WHAMM: variants seen among roughly 807,000 people sequenced by gnomAD.
WHAMM encodes the protein WASP homolog-associated protein with actin, membranes and microtubules.
A neutral mutation model predicts 76.5 loss-of-function variants in WHAMM; 67 were observed. The observed-to-expected ratio is 0.88, with a 90% confidence interval of 0.72 to 1.07. WHAMM has a LOEUF of 1.07. Among genes scored for constraint, WHAMM ranks in the 50% least tolerant of loss-of-function variants. The pLI, the probability that WHAMM is intolerant of heterozygous loss-of-function variation, is 0.00. For synonymous variants in WHAMM, 419 were observed against 422.1 expected (o/e 0.99, Z 0.09); for missense variants, 1,021 against 1,051.1 (o/e 0.97, Z 0.40).
chr15:82,820,688 AGT>A (rs1176199729), intron 5 of WHAMM, among the ~76,000 whole-genome samples: 1 of 152,106 alleles, frequency 6.6e-6, no homozygotes, highest in Non-Finnish European at 1.5e-5. Context: ...TGAGGTCAGG[AGT>A]TCAAGACCAG....
In WHAMM at chr15:82,833,608, G is replaced by A; in HGVS notation, c.*72G>A. 6.6e-7 allele frequency: 1 copy of A among 1,510,176 alleles called. No individual in the cohort carries two copies. Among genetic ancestry groups the A allele is most frequent in the Non-Finnish European group, 8.9e-7 (1 of 1,121,254 alleles). 93.5% of individuals were successfully genotyped at this position (1,510,176 alleles called of 1,614,324 possible). ...GGGTGAGTCTTAGACCTATCGAAAA[G>A]CATACTAACAGGGTGCTGATAGATG... is the stretch of plus-strand genomic sequence containing the variant. On this transcript the variant is annotated 3_prime_UTR_variant, in exon 10 of 10. Transcript: ENST00000286760.
In WHAMM at chr15:82,834,516, A is replaced by T. The variant is rs1006644318; in HGVS notation, c.*980A>T. ...TAGAATTGTTCCCTGATTCTGAAAG[A>T]AGTTTACACTACACTGGTAAGCAGT... On this transcript the variant is annotated 3_prime_UTR_variant, in exon 10 of 10. Coordinates refer to ENST00000286760, the MANE Select transcript of WHAMM (RefSeq NM_001080435.3). 5.9e-5 allele frequency: 9 copies of T among 152,636 alleles called. No homozygotes were observed. The highest frequency in any genetic ancestry group is 2.2e-4 in the African/African-American group (9 of 41,442). 9.5% of individuals were successfully genotyped at this position (152,636 alleles called of 1,614,324 possible).
chr15:82,832,125 T>C (rs2051040513), intron 9 of WHAMM, among the ~76,000 whole-genome samples: 1 of 152,224 alleles, frequency 6.6e-6, no homozygotes, highest in Admixed American at 6.5e-5. Flanking sequence ...AGTGGGCAGA[T>C]CTTTGTGGGG....
At chr15:82,823,819 G>T (rs2050880759) in intron 6 of WHAMM, among the ~76,000 whole-genome samples, 2 of 152,132 alleles carry the variant, frequency 1.3e-5, no homozygotes, top group South Asian at 4.1e-4. Flanking sequence ...GCCCACCTTG[G>T]CCTCCCAAAG....
Position 82,809,932 on chromosome 15 carries a change from C to A in WHAMM, c.206C>A (p.Pro69His). ...TTGGGGCCCGAGCCCGAGCCCAAGC[C>A]TGAGGCCGCCGTCTCCCCGTCCAGC... The part of the protein sequence containing the change: ...ARLGPEPEPK[P>H]EAAVSPSSWA... Residue 69 changes from proline (P) to histidine (H), a missense_variant, in exon 1 of 10, where the codon CCT becomes CAT. By Grantham distance (77) the Pro-to-His change is moderately conservative. This residue lies in a region of WHAMM where 501 missense variants were observed against 524.9 expected (regional missense o/e 0.95). Transcript: ENST00000286760. 6.9e-7 allele frequency: 1 copy of A among 1,447,560 alleles called. No individual in the cohort carries two copies. Among genetic ancestry groups the A allele is most frequent in the Non-Finnish European group, 9.1e-7 (1 of 1,095,494 alleles). 89.7% of individuals were successfully genotyped at this position (1,447,560 alleles called of 1,614,324 possible).
chr15:82,826,623 C>A, intron 7 of WHAMM, 127 bp downstream of exon 7: 17 of 1,576,690 alleles, frequency 1.1e-5, no homozygotes, highest in East Asian at 2.3e-5. Flanking sequence ...AGGTCTGCAG[C>A]CTGGGCGCAG....
intron 6 of WHAMM, among the ~76,000 whole-genome samples, chr15:82,824,160 T>C (rs2050887949): frequency 1.5e-5 from 2 of 132,462 alleles, no homozygotes; most frequent in Non-Finnish European, 3.3e-5. Context: ...TATACTTTTC[T>C]CCTTTTTTTT....
Position 82,811,367 on chromosome 15 carries a change from A to T in WHAMM, c.609+1032A>T, listed in dbSNP as rs1369363366. ...AACCCACAGGGGAGTTTCAAAAATGATATCATTTTGTATCAGACTTGTTTT... is the reference window on the plus strand; with the variant it reads ...AACCCACAGGGGAGTTTCAAAAATGTTATCATTTTGTATCAGACTTGTTTT... On this transcript the variant is annotated intron_variant, in intron 1 of 9. Transcript: ENST00000286760. 3.3e-5 allele frequency among the ~76,000 whole-genome samples: 5 copies of T among 152,182 alleles called. No homozygotes were observed. The South Asian group carries it at 1.0e-3, about 31-fold the overall frequency.
chr15:82,820,744 A>C (rs1330938155), intron 5 of WHAMM, among the ~76,000 whole-genome samples: 1 of 151,928 alleles, frequency 6.6e-6, no homozygotes, highest in African/African-American at 2.4e-5. Context: ...AAAATACAAA[A>C]ATTAGCTGGG....
intron 2 of WHAMM, among the ~76,000 whole-genome samples, chr15:82,815,111 T>TTATATATACATA (rs2050699073): frequency 2.0e-5 from 1 of 49,608 alleles, no homozygotes. Context: ...CTCACAGATT[T>TTATATATACATA]TATATATATA....
chr15:82,813,355 ATC>A (rs749208733), intron 2 of WHAMM, 79 bp downstream of exon 2: 6 of 1,217,432 alleles, frequency 4.9e-6, no homozygotes, highest in Admixed American at 3.3e-5. Flanking sequence ...TTAATGTTCA[ATC>A]TCTGTTTGTA....
At chr15:82,810,859 T>G in intron 1 of WHAMM, 1 of 720,460 alleles carries the variant, frequency 1.4e-6, no homozygotes, top group South Asian at 6.3e-5. Context: ...TATTCATCAG[T>G]TTGGAATGAC....
In WHAMM at chr15:82,823,425, T is replaced by C. The variant is rs575659790; in HGVS notation, c.1458+138T>C. The C allele has an allele frequency of 8.6e-6, 6 of 697,558 alleles. No homozygotes were observed. In the East Asian group the frequency reaches 1.4e-4, roughly 16 times the overall value. The allele number at this position is 697,558 out of a possible 1,614,324, so 43.2% of individuals were successfully genotyped here. ...GTGCTTATGTACTTATCCATGGCTA[T>C]AGTTAAAATGCTTTTAAATATTTTT... On this transcript the variant is annotated intron_variant, in intron 6 of 9. Coordinates refer to ENST00000286760, the MANE Select transcript of WHAMM (RefSeq NM_001080435.3).
Position 82,810,224 on chromosome 15 carries a change from C to A in WHAMM, c.498C>A (p.Arg166=). The change falls in exon 1 of 10, where the codon CGC becomes CGA. Residue 166 remains arginine, a synonymous_variant. Transcript: ENST00000286760. The part of the protein sequence containing the change: ...AADGCGGATV[R]DALFPAEGGA... ...ACGGCTGCGGCGGCGCCACAGTGCG[C>A]GACGCACTCTTCCCGGCTGAGGGCG... is the stretch of plus-strand genomic sequence containing the variant. The A allele has an allele frequency of 7.1e-7, 1 of 1,416,526 alleles. No homozygotes were observed. Among genetic ancestry groups the A allele is most frequent in the Non-Finnish European group, 9.2e-7 (1 of 1,084,328 alleles). 87.7% of individuals were successfully genotyped at this position (1,416,526 alleles called of 1,614,324 possible). A position where few individuals can be genotyped will look rare whatever the true frequency, so the allele number is the denominator to read the frequency against.
At chr15:82,829,059 A>G (rs2050984314) in intron 8 of WHAMM, among the ~76,000 whole-genome samples, 1 of 152,228 alleles carries the variant, frequency 6.6e-6, no homozygotes, top group Non-Finnish European at 1.5e-5. Context: ...AAAACTAGAA[A>G]TAAAATCATG....
chr15:82,828,361 C>T (rs768853647), intron 8 of WHAMM, among the ~76,000 whole-genome samples: 16 of 152,280 alleles, frequency 1.1e-4, no homozygotes, highest in Non-Finnish European at 2.2e-4. Flanking sequence ...CTTCTAAGTA[C>T]TAAGGCCCAG....
intron 2 of WHAMM, among the ~76,000 whole-genome samples, chr15:82,815,938 C>CT (rs1446400074): frequency 1.3e-5 from 2 of 152,190 alleles, no homozygotes; most frequent in South Asian, 2.1e-4. Context: ...AACAACAAAA[C>CT]TTTTTTTTCA....
At chr15:82,824,461 C>T (rs2050896180) in intron 6 of WHAMM, among the ~76,000 whole-genome samples, 1 of 152,146 alleles carries the variant, frequency 6.6e-6, no homozygotes, top group Admixed American at 6.5e-5. Flanking sequence ...GCTGGGATTA[C>T]AGGCATGTGC....
At chr15:82,811,956 A>C (rs1411108567) in intron 1 of WHAMM, among the ~76,000 whole-genome samples, 1 of 152,128 alleles carries the variant, frequency 6.6e-6, no homozygotes, top group African/African-American at 2.4e-5. Context: ...TTAAGAATGT[A>C]TTGGTTGAAA....
Sources: gnomAD v4.1 joint callset for allele counts (sites outside exome capture counted in the v4.1 genomes callset) on GRCh38, gnomAD v4.1.1 for gene constraint, gnomAD v4.1.1 regional missense constraint, MANE v1.5 for transcripts, NCBI Gene and HGNC (gene_info 2026-07-23, HGNC 2026-07-21) for gene names.